CBL: variants seen among roughly 807,000 people sequenced by gnomAD.
The protein encoded by CBL is Cbl proto-oncogene, also known as E3 ubiquitin-protein ligase CBL.
Under a neutral mutation model 96.9 loss-of-function variants are expected in CBL, and 45 were observed. The observed-to-expected ratio is 0.46, with a 90% CI of 0.37 to 0.60. CBL has a LOEUF of 0.60. Ranked by LOEUF, CBL falls within the 20% of genes least tolerant of loss-of-function variation. The probability of loss-of-function intolerance (pLI) is 0.00; values close to 1 mark genes in which losing one functional copy is unlikely to be tolerated. For synonymous variants in CBL, 420 were observed against 426.8 expected, an observed-to-expected ratio of 0.98 and a Z score of 0.20; for missense variants, 1,024 against 1,143.5, an observed-to-expected ratio of 0.90 and a Z score of 1.51.
chr11:119,304,721 G>T lies in CBL; in HGVS notation c.*4940G>T, dbSNP rs372681415. On this transcript the variant is annotated 3_prime_UTR_variant, in exon 16 of 16. Coordinates refer to ENST00000264033, the MANE Select transcript of CBL (RefSeq NM_005188.4). ...AACTCACCACAACCTCTGCCTCCCA[G>T]GTTCAAGCAGTTCTCTGCCTCAACC... is the stretch of plus-strand genomic sequence containing the variant. 2.9e-4 allele frequency: 58 copies of T among 200,106 alleles called. No homozygotes were observed. Among genetic ancestry groups the T allele is most frequent in the African/African-American group, 1.3e-3 (55 of 43,468 alleles). The allele number at this position is 200,106 out of a possible 1,614,324, so 12.4% of individuals were successfully genotyped here. A position where few individuals can be genotyped will look rare whatever the true frequency, so the allele number is the denominator to read the frequency against.
At chr11:119,218,395 T>C (rs1949380559) in intron 1 of CBL, among the ~76,000 whole-genome samples, 1 of 152,202 alleles carries the variant, frequency 6.6e-6, no homozygotes, top group Admixed American at 6.5e-5. Flanking sequence ...TCTTAATTAG[T>C]GTATGGCATC....
At chr11:119,265,613 C>T (rs977554409) in intron 2 of CBL, among the ~76,000 whole-genome samples, 9 of 152,108 alleles carry the variant, frequency 5.9e-5, no homozygotes, top group African/African-American at 1.9e-4. Flanking sequence ...TGGCTGGGCG[C>T]GGTAGCTCAC....
intron 2 of CBL, among the ~76,000 whole-genome samples, chr11:119,260,251 T>G (rs1949744632): frequency 6.6e-6 from 1 of 151,842 alleles, no homozygotes; most frequent in Non-Finnish European, 1.5e-5. Context: ...TTCTTTTCTT[T>G]TCTTTTTTTT....
chr11:119,214,530 T>C (rs1949342492), intron 1 of CBL, among the ~76,000 whole-genome samples: 1 of 152,240 alleles, frequency 6.6e-6, no homozygotes, highest in African/African-American at 2.4e-5. Context: ...ATTACAGGTG[T>C]GAGCCACCGT....
chr11:119,264,915 C>T (rs773672676), intron 2 of CBL, among the ~76,000 whole-genome samples: 2 of 152,116 alleles, frequency 1.3e-5, no homozygotes, highest in African/African-American at 4.8e-5. Context: ...TTTGCTTCGT[C>T]GCCTAGGCTG....
intron 1 of CBL, among the ~76,000 whole-genome samples, chr11:119,227,301 T>C (rs1466850884): frequency 6.6e-6 from 1 of 152,178 alleles, no homozygotes; most frequent in Admixed American, 6.6e-5. Flanking sequence ...GTAGGCTAAG[T>C]ATATTAAATA....
intron 12 of CBL, among the ~76,000 whole-genome samples, chr11:119,293,261 C>T (rs769971658): frequency 1.3e-5 from 2 of 152,022 alleles, no homozygotes; most frequent in Non-Finnish European, 2.9e-5. Flanking sequence ...TGTGCCACCA[C>T]CACGTCTGGC....
chr11:119,260,561 C>T (rs1022985816), intron 2 of CBL, among the ~76,000 whole-genome samples: 1 of 152,034 alleles, frequency 6.6e-6, no homozygotes, highest in East Asian at 1.9e-4. Context: ...TAACAAAATA[C>T]GTAAAGTGCC....
intron 2 of CBL, among the ~76,000 whole-genome samples, chr11:119,261,400 T>C (rs1217680092): frequency 6.6e-6 from 1 of 152,232 alleles, no homozygotes; most frequent in East Asian, 1.9e-4. Flanking sequence ...CTAAGTTACA[T>C]ACTCAGGAGT....
At chr11:119,211,300 A>C (rs1305525723) in intron 1 of CBL, among the ~76,000 whole-genome samples, 1 of 151,444 alleles carries the variant, frequency 6.6e-6, no homozygotes, top group African/African-American at 2.4e-5. Flanking sequence ...TGAACCCGGG[A>C]GGCGGAGGTT....
Position 119,285,351 on chromosome 11 carries a change from G to A in CBL, c.1726G>A (p.Asp576Asn). The A allele has an allele frequency of 1.2e-6, 2 of 1,614,162 alleles. No homozygotes were observed. The highest frequency in any genetic ancestry group is 2.2e-5 in the East Asian group (1 of 44,884). ...TACACCAGGCGACTGTCCCTCCAGA[G>A]ACAAACTGCCCCCTGTCCCCTCTAG... ...PCTPGDCPSRDKLPPVPSSRL... is the reference protein window; with the variant it reads ...PCTPGDCPSRNKLPPVPSSRL... Residue 576 changes from aspartate to asparagine, a missense_variant, in exon 11 of 16, where the codon GAC (aspartate) becomes AAC (asparagine). By Grantham distance (23) the Asp-to-Asn change is conservative. Transcript: ENST00000264033.
At chr11:119,288,539 C>G (rs1390830943) in intron 12 of CBL, among the ~76,000 whole-genome samples, 1 of 152,096 alleles carries the variant, frequency 6.6e-6, no homozygotes, top group Non-Finnish European at 1.5e-5. Context: ...GACACCAATG[C>G]TACTGGGTCC....
At position 119,307,667 on chromosome 11, in the gene CBL, T is replaced by C. The variant is rs1950156717; in HGVS notation, c.*7886T>C. The C allele has an allele frequency of 4.4e-6, 1 of 227,628 alleles. No individual in the cohort carries two copies. The highest frequency in any genetic ancestry group is 6.3e-5 in the East Asian group (1 of 15,814). The allele number at this position is 227,628 out of a possible 1,614,324, so 14.1% of individuals were successfully genotyped here. A position where few individuals can be genotyped will look rare whatever the true frequency, so the allele number is the denominator to read the frequency against. The stretch of plus-strand genomic sequence containing the variant: ...CCCTTTCCTCAGTTTTCCCCTGCCT[T>C]TAACTAATAAAGAATTGGGAGACAG... On this transcript the variant is annotated 3_prime_UTR_variant, in exon 16 of 16. Coordinates refer to ENST00000264033, the MANE Select transcript of CBL (RefSeq NM_005188.4).
rs1231214572 is a variant in CBL, at chr11:119,274,961, C to G, written c.869+8C>G. The G allele has an allele frequency of 6.2e-7, 1 of 1,612,644 alleles. No individual in the cohort carries two copies. Among genetic ancestry groups the G allele is most frequent in the Non-Finnish European group, 8.5e-7 (1 of 1,179,648 alleles). Reference sequence around the variant, plus strand: ...CATTCACAAACCTGGCAGGTCAGTTCAATGACGCAAAGAGATTTATTCTTC... The same window carrying G: ...CATTCACAAACCTGGCAGGTCAGTTGAATGACGCAAAGAGATTTATTCTTC... On this transcript the variant is annotated splice_region_variant and intron_variant, in intron 5 of 15. Coordinates refer to ENST00000264033, the MANE Select transcript of CBL (RefSeq NM_005188.4).
chr11:119,300,001 T>C lies in CBL; in HGVS notation c.*220T>C. ...TATGGGTCTTGAGTGCATTTGAAGG[T>C]GTCCTTCAGTTCCCACGTAGAGAGA... On this transcript the variant is annotated 3_prime_UTR_variant, in exon 16 of 16. Coordinates refer to ENST00000264033, the MANE Select transcript of CBL (RefSeq NM_005188.4). 1.6e-6 allele frequency: 1 copy of C among 615,746 alleles called. No homozygotes were observed. The allele number at this position is 615,746 out of a possible 1,614,324, so 38.1% of individuals were successfully genotyped here.
chr11:119,230,384 C>T (rs1949493451), intron 1 of CBL, among the ~76,000 whole-genome samples: 1 of 152,162 alleles, frequency 6.6e-6, no homozygotes, highest in Admixed American at 6.5e-5. Flanking sequence ...TCGTGATCCG[C>T]CCGCCTCAGC....
At chr11:119,254,724 C>G (rs1477272200) in intron 2 of CBL, among the ~76,000 whole-genome samples, 1 of 152,020 alleles carries the variant, frequency 6.6e-6, no homozygotes, top group Non-Finnish European at 1.5e-5. Context: ...GCCTCAGACT[C>G]CTGAGTAGCT....
chr11:119,287,007 C>A (rs1949989504), intron 11 of CBL, among the ~76,000 whole-genome samples: 1 of 152,148 alleles, frequency 6.6e-6, no homozygotes, highest in African/African-American at 2.4e-5. Flanking sequence ...AAACCTGTAG[C>A]AGTAGGAGGA....
At chr11:119,206,745 G>T in intron 1 of CBL, 133 bp downstream of exon 1, 1 of 668,922 alleles carries the variant, frequency 1.5e-6, no homozygotes, top group Non-Finnish European at 2.1e-6. Flanking sequence ...GAGCCGGGGT[G>T]ACCGGCCGGG....
Sources: allele counts gnomAD v4.1 joint callset (sites outside exome capture counted in the v4.1 genomes callset), GRCh38; gene constraint gnomAD v4.1.1; transcripts MANE v1.5; gene names NCBI Gene and HGNC (gene_info 2026-07-23, HGNC 2026-07-21).